Variants in PRKACB observed in about 807,000 individuals in gnomAD.
The protein encoded by PRKACB is cAMP-dependent protein kinase catalytic subunit beta.
Under a neutral mutation model 51.4 loss-of-function variants are expected in PRKACB, and 16 were observed. That is an observed-to-expected ratio of 0.31 (90% confidence interval 0.21 to 0.47). The LOEUF (loss-of-function observed/expected upper bound fraction) is 0.47, where lower values mean the gene tolerates loss of function less well. PRKACB is among the 20% of genes least tolerant of loss of function. The pLI, the probability that PRKACB is intolerant of heterozygous loss-of-function variation, is 1.00. For synonymous variants in PRKACB, 147 were observed against 154.4 expected (o/e 0.95, Z 0.35); for missense variants, 309 against 464.5 (o/e 0.67, Z 3.08).
At chr1:84,210,899 C>T (rs1262390146) in intron 8 of PRKACB, among the ~76,000 whole-genome samples, 1 of 152,110 alleles carries the variant, frequency 6.6e-6, no homozygotes, top group Non-Finnish European at 1.5e-5. Context: ...TCAGAATAAT[C>T]ATGGGAAAAA....
intron 1 of PRKACB, among the ~76,000 whole-genome samples, chr1:84,146,505 G>T (rs530042353): frequency 6.6e-6 from 1 of 151,828 alleles, no homozygotes; most frequent in African/African-American, 2.4e-5. Context: ...TTTATTTGGC[G>T]AATGAGTTAT....
intron 5 of PRKACB, among the ~76,000 whole-genome samples, chr1:84,191,156 T>C (rs1290317239): frequency 6.6e-6 from 1 of 152,126 alleles, no homozygotes; most frequent in Admixed American, 6.6e-5. Flanking sequence ...GTAGCAGATA[T>C]TGATCTTTCA....
chr1:84,091,039 A>G (rs1648425840), intron 1 of PRKACB, among the ~76,000 whole-genome samples: 1 of 151,800 alleles, frequency 6.6e-6, no homozygotes, highest in Admixed American at 6.6e-5. Flanking sequence ...CTTCACTTTC[A>G]GTTTTCTCTT....
intron 1 of PRKACB, among the ~76,000 whole-genome samples, chr1:84,086,534 C>T (rs1359267027): frequency 2.6e-5 from 4 of 152,240 alleles, no homozygotes; most frequent in Non-Finnish European, 5.9e-5. Flanking sequence ...CACCTTGGTC[C>T]TCATCTCTGG....
At chr1:84,219,552 G>A (rs555076781) in intron 9 of PRKACB, among the ~76,000 whole-genome samples, 9 of 151,500 alleles carry the variant, frequency 5.9e-5, no homozygotes, top group South Asian at 4.2e-4. Flanking sequence ...AGCATTTCCC[G>A]TATGTTTTCT....
chr1:84,078,120 CGCT>C (rs1238163683), upstream of PRKACB: 18 of 415,442 alleles, frequency 4.3e-5, no homozygotes, highest in Admixed American at 9.2e-5. Flanking sequence ...CCGCCGCCGC[CGCT>C]GCTGCTGCCG....
Position 84,182,261 on chromosome 1 carries a change from G to A in PRKACB, c.311G>A (p.Arg104Lys). The part of the protein sequence containing the change: ...KKTLGTGSFG[R>K]VMLVKHKATE... ...ACCCTTGGAACAGGTTCATTTGGAA[G>A]AGTCATGTTGGTAAAACACAAAGCC... The change falls in exon 3 of 10, where the codon AGA becomes AAA. Residue 104 changes from arginine (R) to lysine (K), a missense_variant. This residue lies in a region of PRKACB where 153 missense variants were observed against 190.2 expected (regional missense o/e 0.80). Coordinates refer to ENST00000370685, the MANE Select transcript of PRKACB (RefSeq NM_182948.4). 6.2e-7 allele frequency: 1 copy of A among 1,603,332 alleles called. No individual in the cohort carries two copies. The highest frequency in any genetic ancestry group is 8.5e-7 in the Non-Finnish European group (1 of 1,173,526).
At chr1:84,227,987 G>T (rs669205) in intron 9 of PRKACB, among the ~76,000 whole-genome samples, 141,762 of 152,018 alleles carry the variant, frequency 0.93, 66,902 homozygotes, top group East Asian at 1. Context: ...ACACATGATT[G>T]CCCCAATAGG....
intron 8 of PRKACB, among the ~76,000 whole-genome samples, chr1:84,213,907 T>G (rs2101576309): frequency 6.6e-6 from 1 of 152,324 alleles, no homozygotes; most frequent in Admixed American, 6.5e-5. Context: ...CTGCTCCATG[T>G]TCTTAAAGAC....
rs560806825 is a variant in PRKACB at position 84,213,936 on chromosome 1, C to T, written c.907-217C>T. Among the ~76,000 whole-genome samples the T allele has an allele frequency of 3.9e-5, 6 of 152,266 alleles. No individual in the cohort carries two copies. In the East Asian group the frequency reaches 1.2e-3, roughly 29 times the overall value. The stretch of plus-strand genomic sequence containing the variant: ...TAAAGACATCATAACCAAAGCAAGG[C>T]CCTAAGAGAACAGGTTTAGTTCATT... On this transcript the variant is annotated intron_variant, in intron 8 of 9. Coordinates refer to ENST00000370685, the MANE Select transcript of PRKACB (RefSeq NM_182948.4).
At chr1:84,195,362 A>G (rs2101176248) in intron 5 of PRKACB, among the ~76,000 whole-genome samples, 1 of 152,230 alleles carries the variant, frequency 6.6e-6, no homozygotes, top group East Asian at 1.9e-4. Context: ...GGCAGCACAT[A>G]AAGTCTTTTG....
intron 1 of PRKACB, among the ~76,000 whole-genome samples, chr1:84,101,611 G>A (rs1290449694): frequency 6.6e-6 from 1 of 152,102 alleles, no homozygotes; most frequent in Non-Finnish European, 1.5e-5. Context: ...AAGATTTCAG[G>A]TGTTTTTCAA....
At chr1:84,119,347 A>G (rs1469878310) in intron 1 of PRKACB, among the ~76,000 whole-genome samples, 1 of 152,154 alleles carries the variant, frequency 6.6e-6, no homozygotes, top group Non-Finnish European at 1.5e-5. Context: ...TAGCTTTCCA[A>G]CCTGTCCAAC....
At chr1:84,133,399 A>G (rs1571727799) in intron 1 of PRKACB, among the ~76,000 whole-genome samples, 1 of 152,326 alleles carries the variant, frequency 6.6e-6, no homozygotes, top group African/African-American at 2.4e-5. Context: ...AAGGAAAATA[A>G]TGATAAAAGG....
intron 1 of PRKACB, among the ~76,000 whole-genome samples, chr1:84,098,620 G>C (rs1649104191): frequency 6.6e-6 from 1 of 152,062 alleles, no homozygotes; most frequent in Non-Finnish European, 1.5e-5. Flanking sequence ...AGTACAATAT[G>C]ATTGCCAGAT....
In PRKACB at chr1:84,237,276, A is replaced by C. The variant is rs1422253418; in HGVS notation, c.*1971A>C. 6.6e-6 allele frequency: 1 copy of C among 152,620 alleles called. No homozygotes were observed. The highest frequency in any genetic ancestry group is 2.4e-5 in the African/African-American group (1 of 41,458). 9.5% of individuals were successfully genotyped at this position (152,620 alleles called of 1,614,324 possible). A position where few individuals can be genotyped will look rare whatever the true frequency, so the allele number is the denominator to read the frequency against. ...TCTTGTATTTCATTTAGACCCAAGA[A>C]CATGCTGACCAATGTGTTCTATATG... On this transcript the variant is annotated 3_prime_UTR_variant, in exon 10 of 10. Transcript: ENST00000370685.
intron 5 of PRKACB, among the ~76,000 whole-genome samples, chr1:84,196,140 G>C (rs1322083665): frequency 6.6e-6 from 1 of 152,086 alleles, no homozygotes; most frequent in Non-Finnish European, 1.5e-5. Flanking sequence ...ATTACAAAAT[G>C]GGTAAAATGG....
rs1676580413 is a variant in PRKACB, at chr1:84,235,446, C to T, written c.*141C>T. 1.9e-6 allele frequency: 2 copies of T among 1,075,368 alleles called. No individual in the cohort carries two copies. Among genetic ancestry groups the T allele is most frequent in the Non-Finnish European group, 2.7e-6 (2 of 743,960 alleles). The allele number at this position is 1,075,368 out of a possible 1,614,324, so 66.6% of individuals were successfully genotyped here. Reference sequence around the variant, plus strand: ...TGAGTGAGGTCTTTATTGCCATCATCCCGTGTGCGCACTCTGCATCCACCT... The same window carrying T: ...TGAGTGAGGTCTTTATTGCCATCATTCCGTGTGCGCACTCTGCATCCACCT... On this transcript the variant is annotated 3_prime_UTR_variant, in exon 10 of 10. Transcript: ENST00000370685.
At chr1:84,081,494 C>T (rs957484676) in intron 1 of PRKACB, among the ~76,000 whole-genome samples, 7 of 152,144 alleles carry the variant, frequency 4.6e-5, no homozygotes, top group Admixed American at 1.3e-4. Context: ...TTTAAAATTA[C>T]TCTTGAAGAT....
Sources: allele counts gnomAD v4.1 joint callset (sites outside exome capture counted in the v4.1 genomes callset), GRCh38; gene constraint gnomAD v4.1.1; regional missense constraint gnomAD v4.1.1; transcripts MANE v1.5; gene names NCBI Gene and HGNC (gene_info 2026-07-23, HGNC 2026-07-21).